PRKN: variants seen among roughly 807,000 people sequenced by gnomAD.
The protein encoded by PRKN is parkin RBR E3 ubiquitin protein ligase.
In PRKN, 56 loss-of-function variants were observed where a neutral mutation model predicts 59.5. The observed-to-expected ratio is 0.94, with a 90% confidence interval of 0.76 to 1.18. PRKN has a LOEUF of 1.18. Among genes scored for constraint, PRKN ranks in the 50% most tolerant of loss-of-function variants. The pLI, the probability that PRKN is intolerant of heterozygous loss-of-function variation, is 0.00. For synonymous variants in PRKN, 250 were observed against 222.1 expected (o/e 1.13, Z -1.12); for missense variants, 657 against 596.4 (o/e 1.10, Z -1.06).
intron 6 of PRKN, among the ~76,000 whole-genome samples, chr6:161,863,929 T>C (rs1431436723): frequency 1.3e-5 from 2 of 152,182 alleles, no homozygotes; most frequent in Non-Finnish European, 2.9e-5. Flanking sequence ...AAAAAGTACA[T>C]ACCTTAATTT....
At chr6:161,688,198 A>C (rs1468432460) in intron 7 of PRKN, among the ~76,000 whole-genome samples, 1 of 152,234 alleles carries the variant, frequency 6.6e-6, no homozygotes, top group Non-Finnish European at 1.5e-5. Context: ...GCAAATGATG[A>C]ATAAATACCA....
intron 9 of PRKN, among the ~76,000 whole-genome samples, chr6:161,524,510 T>G (rs528110890): frequency 6.6e-6 from 1 of 152,258 alleles, no homozygotes; most frequent in African/African-American, 2.4e-5. Flanking sequence ...TGTGCTCAGC[T>G]AATTTTTTTT....
intron 4 of PRKN, among the ~76,000 whole-genome samples, chr6:162,182,738 CCT>C (rs1419694462): frequency 6.6e-6 from 1 of 152,134 alleles, no homozygotes; most frequent in Non-Finnish European, 1.5e-5. Flanking sequence ...CAGATATTGC[CCT>C]TTTTACAAAT....
chr6:162,295,616 G>T (rs887417772), intron 2 of PRKN, among the ~76,000 whole-genome samples: 1 of 152,162 alleles, frequency 6.6e-6, no homozygotes, highest in Non-Finnish European at 1.5e-5. Flanking sequence ...TAAAACGGAA[G>T]TATTACCTGG....
intron 4 of PRKN, among the ~76,000 whole-genome samples, chr6:162,072,477 C>G (rs1778620701): frequency 6.6e-6 from 1 of 152,064 alleles, no homozygotes. Flanking sequence ...AAGCCCTGAG[C>G]CTGATTCTTG....
intron 4 of PRKN, among the ~76,000 whole-genome samples, chr6:162,143,967 G>A (rs752217764): frequency 2.0e-5 from 3 of 152,146 alleles, no homozygotes; most frequent in South Asian, 2.1e-4. Context: ...CATACAGAAC[G>A]GATGGCATAT....
chr6:161,611,602 T>C (rs553972038), intron 7 of PRKN, among the ~76,000 whole-genome samples: 1 of 152,214 alleles, frequency 6.6e-6, no homozygotes, highest in Non-Finnish European at 1.5e-5. Flanking sequence ...ACTGGTAAAG[T>C]GTTGTGTGTG....
At chr6:161,784,327 C>A (rs1439285782) in intron 7 of PRKN, among the ~76,000 whole-genome samples, 1 of 152,082 alleles carries the variant, frequency 6.6e-6, no homozygotes, top group Non-Finnish European at 1.5e-5. Context: ...TTTTGTTCAC[C>A]AAAGGACGTT....
At chr6:161,806,593 C>A (rs953842922) in intron 6 of PRKN, among the ~76,000 whole-genome samples, 5 of 152,212 alleles carry the variant, frequency 3.3e-5, no homozygotes, top group Non-Finnish European at 5.9e-5. Context: ...CAGCTCTCCA[C>A]CGAGCTCTGA....
chr6:161,919,415 TG>T (rs1260331530), intron 6 of PRKN, among the ~76,000 whole-genome samples: 2 of 152,214 alleles, frequency 1.3e-5, no homozygotes, highest in African/African-American at 2.4e-5. Flanking sequence ...TTTCTGAAAC[TG>T]GATTGTGATA....
chr6:161,735,561 C>T (rs770978216), intron 7 of PRKN, among the ~76,000 whole-genome samples: 1 of 152,162 alleles, frequency 6.6e-6, no homozygotes, highest in Non-Finnish European at 1.5e-5. Flanking sequence ...AGATTTGCAA[C>T]TGTGCAGGGG....
intron 6 of PRKN, among the ~76,000 whole-genome samples, chr6:161,898,514 C>A (rs147727248): frequency 6.6e-6 from 1 of 152,166 alleles, no homozygotes. Flanking sequence ...GAGGCACATA[C>A]AATTTGTGCT....
In PRKN at chr6:161,445,714, C is replaced by T. The variant is rs77542504; in HGVS notation, c.1084-58837G>A. 9.8e-3 allele frequency among the ~76,000 whole-genome samples: 1,497 copies of T among 152,332 alleles called. 22 individuals are homozygous for T. The highest frequency in any genetic ancestry group is 0.035 in the African/African-American group (1,443 of 41,578). Reference sequence around the variant, plus strand: ...GGGCAGAGTGCATGGTCTCCCTTCACGTGCGGGGCCAGGTGACTGCACAGA... The same window carrying T: ...GGGCAGAGTGCATGGTCTCCCTTCATGTGCGGGGCCAGGTGACTGCACAGA... On this transcript the variant is annotated intron_variant, in intron 9 of 11. Coordinates refer to ENST00000366898, the MANE Select transcript of PRKN (RefSeq NM_004562.3). This position sits in a 1 kb window ranked among gnomAD's most constrained non-coding sequence, Gnocchi z 7.7.
Position 162,237,526 on chromosome 6 carries a change from A to T in PRKN, c.412+24999T>A, listed in dbSNP as rs576198851. On this transcript the variant is annotated intron_variant, in intron 3 of 11. Coordinates refer to ENST00000366898, the MANE Select transcript of PRKN (RefSeq NM_004562.3). ...CTTTGTTAGGAATGAGAAGTGCTCT[A>T]CCTATCAACAACAAAGGCAGCCGAA... 1.3e-3 allele frequency among the ~76,000 whole-genome samples: 196 copies of T among 151,928 alleles called. 1 individual carries two copies. Among genetic ancestry groups the T allele is most frequent in the African/African-American group, 4.3e-3 (180 of 41,562 alleles).
At chr6:161,883,140 A>G (rs569590944) in intron 6 of PRKN, among the ~76,000 whole-genome samples, 16 of 152,294 alleles carry the variant, frequency 1.1e-4, no homozygotes, top group African/African-American at 3.6e-4. Context: ...AGATAATAAC[A>G]TTTTTGTTAG....
intron 2 of PRKN, among the ~76,000 whole-genome samples, chr6:162,263,525 C>T (rs931766013): frequency 3.3e-5 from 5 of 152,066 alleles, no homozygotes; most frequent in South Asian, 2.1e-4. Context: ...CTAACATTTA[C>T]GAAAAGGTTT....
intron 7 of PRKN, chr6:161,716,128 G>A (rs1377104909): frequency 7.4e-7 from 1 of 1,343,672 alleles, no homozygotes; most frequent in East Asian, 4.6e-5. Flanking sequence ...TGTGTCTCCA[G>A]TTCCTGGTCA....
At chr6:161,654,329 A>C (rs1419561794) in intron 7 of PRKN, among the ~76,000 whole-genome samples, 2 of 152,180 alleles carry the variant, frequency 1.3e-5, no homozygotes, top group African/African-American at 2.4e-5. Context: ...ACTGTGAAAG[A>C]TATCAAATCA....
At chr6:162,039,024 C>T (rs747215144) in intron 5 of PRKN, among the ~76,000 whole-genome samples, 2 of 151,994 alleles carry the variant, frequency 1.3e-5, no homozygotes, top group Non-Finnish European at 2.9e-5. Context: ...GGCGTGGTGG[C>T]GGACGCCTGT....
Sources: gnomAD v4.1 joint callset for allele counts (sites outside exome capture counted in the v4.1 genomes callset) on GRCh38, gnomAD v4.1.1 for gene constraint, Gnocchi (gnomAD v3.1) non-coding constraint, MANE v1.5 for transcripts, NCBI Gene and HGNC (gene_info 2026-07-23, HGNC 2026-07-21) for gene names.